ATG5: variants seen among roughly 807,000 people sequenced by gnomAD.
ATG5 encodes the protein autophagy protein 5.
A neutral mutation model predicts 36.5 loss-of-function variants in ATG5; 14 were observed. That is an observed-to-expected ratio of 0.38 (90% CI 0.25 to 0.60). The LOEUF (loss-of-function observed/expected upper bound fraction) is 0.60. Ranked by LOEUF, ATG5 falls within the 20% of genes least tolerant of loss-of-function variation. The probability of loss-of-function intolerance (pLI) is 0.60; values close to 1 mark genes in which losing one functional copy is unlikely to be tolerated. For missense variants in ATG5, 195 were observed against 326.7 expected, an observed-to-expected ratio of 0.60 and a Z score of 3.11; for synonymous variants, 95 against 101.5, an observed-to-expected ratio of 0.94 and a Z score of 0.38.
At chr6:106,207,658 G>A (rs918673556) in intron 6 of ATG5, among the ~76,000 whole-genome samples, 3 of 152,208 alleles carry the variant, frequency 2.0e-5, no homozygotes, top group Non-Finnish European at 4.4e-5. Context: ...AAGAAATGAT[G>A]ATTTACTATA....
At chr6:106,192,881 C>A (rs574813968) in intron 7 of ATG5, among the ~76,000 whole-genome samples, 2 of 152,132 alleles carry the variant, frequency 1.3e-5, no homozygotes, top group Admixed American at 1.3e-4. Context: ...TAGTAAAACA[C>A]CAACTAATTG....
intron 7 of ATG5, among the ~76,000 whole-genome samples, chr6:106,199,656 T>C (rs1322210109): frequency 6.6e-6 from 1 of 152,126 alleles, no homozygotes; most frequent in Admixed American, 6.5e-5. Flanking sequence ...TAAAAAATCA[T>C]TAAATTATAA....
At chr6:106,272,048 A>G (rs1779473115) in intron 5 of ATG5, among the ~76,000 whole-genome samples, 1 of 152,200 alleles carries the variant, frequency 6.6e-6, no homozygotes, top group South Asian at 2.1e-4. Context: ...CCTATTTAAA[A>G]TAACAACGCC....
Position 106,277,813 on chromosome 6 carries a change from C to CAACAA in ATG5, c.478+1843_478+1847dup, listed in dbSNP as rs563740379. Among the ~76,000 whole-genome samples, 423 of 152,082 alleles carry CAACAA rather than the reference C, an allele frequency of 2.8e-3. 1 individual carries two copies. Among genetic ancestry groups the CAACAA allele is most frequent in the Non-Finnish European group, 4.2e-3 (283 of 67,986 alleles). ...TGGGTGACAGAGTGAAACTTCGTCT[C>CAACAA]AACAAAACAAAACAAAACACCACAA... On this transcript the variant is annotated intron_variant, in intron 5 of 7. Transcript: ENST00000369076.
intron 1 of ATG5, among the ~76,000 whole-genome samples, chr6:106,324,417 C>T (rs1440535573): frequency 6.6e-6 from 1 of 152,132 alleles, no homozygotes; most frequent in African/African-American, 2.4e-5. Context: ...CAAGGGAGGT[C>T]CTGGAACCAA....
chr6:106,247,253 C>T (rs1192851586), intron 6 of ATG5, among the ~76,000 whole-genome samples: 1 of 152,116 alleles, frequency 6.6e-6, no homozygotes, highest in Non-Finnish European at 1.5e-5. Context: ...CATTATGCTT[C>T]TGGTTCTTGT....
chr6:106,249,928 T>C (rs754967013), intron 5 of ATG5, among the ~76,000 whole-genome samples: 2 of 152,364 alleles, frequency 1.3e-5, no homozygotes, highest in Non-Finnish European at 2.9e-5. Flanking sequence ...TCAAATCACT[T>C]TCCCTTTTAA....
intron 4 of ATG5, among the ~76,000 whole-genome samples, chr6:106,280,222 C>G (rs1779825492): frequency 6.6e-6 from 1 of 150,624 alleles, no homozygotes; most frequent in Non-Finnish European, 1.5e-5. Flanking sequence ...TACCATCTGA[C>G]CCAGCCATTC....
At chr6:106,291,438 C>T (rs7762354) in intron 4 of ATG5, among the ~76,000 whole-genome samples, 268 of 152,182 alleles carry the variant, frequency 1.8e-3, no homozygotes, top group African/African-American at 6.1e-3. Context: ...GTTAACACAA[C>T]GGGAAGGGCC....
chr6:106,205,217 A>G (rs887161301), intron 6 of ATG5, among the ~76,000 whole-genome samples: 1 of 152,170 alleles, frequency 6.6e-6, no homozygotes, highest in African/African-American at 2.4e-5. Flanking sequence ...ATGTGAAGAC[A>G]ACTGGAGCTG....
At chr6:106,238,997 G>A (rs1271579142) in intron 6 of ATG5, among the ~76,000 whole-genome samples, 1 of 152,066 alleles carries the variant, frequency 6.6e-6, no homozygotes, top group African/African-American at 2.4e-5. Flanking sequence ...AACGCTAGAA[G>A]GAAATCACTT....
chr6:106,253,045 A>C (rs944930037), intron 5 of ATG5, among the ~76,000 whole-genome samples: 2 of 152,256 alleles, frequency 1.3e-5, no homozygotes, highest in Non-Finnish European at 2.9e-5. Context: ...AGAGGCTTTC[A>C]AGGTATGTAA....
intron 5 of ATG5, among the ~76,000 whole-genome samples, chr6:106,249,823 C>T (rs984733474): frequency 2.6e-5 from 4 of 152,186 alleles, no homozygotes; most frequent in African/African-American, 9.6e-5. Flanking sequence ...CAAGAAGTAT[C>T]TCATTGTGGT....
At chr6:106,282,123 A>G (rs1779906024) in intron 4 of ATG5, among the ~76,000 whole-genome samples, 1 of 152,340 alleles carries the variant, frequency 6.6e-6, no homozygotes, top group African/African-American at 2.4e-5. Flanking sequence ...TCAGCTAGGA[A>G]AACATACAAT....
At chr6:106,246,680 A>G (rs147532513) in intron 6 of ATG5, among the ~76,000 whole-genome samples, 4 of 152,322 alleles carry the variant, frequency 2.6e-5, no homozygotes, top group East Asian at 1.9e-4. Context: ...CTTGACCCAA[A>G]TAAGTGCTGA....
chr6:106,247,763 C>T (rs1173051139), intron 6 of ATG5, among the ~76,000 whole-genome samples: 1 of 152,142 alleles, frequency 6.6e-6, no homozygotes, highest in Non-Finnish European at 1.5e-5. Context: ...GACAAGAAGG[C>T]TTGTTTATAG....
intron 6 of ATG5, among the ~76,000 whole-genome samples, chr6:106,204,299 C>G (rs1264701140): frequency 6.6e-6 from 1 of 151,904 alleles, no homozygotes; most frequent in African/African-American, 2.4e-5. Context: ...TTTCCTAATT[C>G]TATGTTTATG....
intron 6 of ATG5, among the ~76,000 whole-genome samples, chr6:106,229,114 A>T (rs1243409045): frequency 1.3e-5 from 2 of 152,182 alleles, no homozygotes; most frequent in African/African-American, 4.8e-5. Flanking sequence ...TTACCTCTGA[A>T]TCTACTTCCT....
chr6:106,239,776 A>C (rs1386525786), intron 6 of ATG5, among the ~76,000 whole-genome samples: 1 of 152,324 alleles, frequency 6.6e-6, no homozygotes, highest in South Asian at 2.1e-4. Flanking sequence ...TTTTGCAAAT[A>C]AAGTTTTACT....
Sources: gnomAD v4.1 joint callset for allele counts (sites outside exome capture counted in the v4.1 genomes callset) on GRCh38, gnomAD v4.1.1 for gene constraint, MANE v1.5 for transcripts, NCBI Gene and HGNC (gene_info 2026-07-23, HGNC 2026-07-21) for gene names.